The following MCMBP variants were observed in gnomAD, a reference collection of about 807,000 sequenced individuals.
MCMBP encodes the protein minichromosome maintenance complex binding protein.
In MCMBP, 31 loss-of-function variants were observed where a neutral mutation model predicts 81.3. The observed-to-expected ratio is 0.38, with a 90% CI of 0.29 to 0.51. The LOEUF (loss-of-function observed/expected upper bound fraction) is 0.51. Among genes scored for constraint, MCMBP ranks in the 20% least tolerant of loss-of-function variants. The pLI is 0.87. For synonymous variants in MCMBP, 267 were observed against 275.9 expected (o/e 0.97, Z 0.32); for missense variants, 645 against 772.1 (o/e 0.84, Z 1.95).
chr10:119,847,539 C>A, intron 8 of MCMBP, 74 bp downstream of exon 8: 1 of 828,940 alleles, frequency 1.2e-6, no homozygotes, highest in South Asian at 1.8e-5. Context: ...TCTTTAAAAC[C>A]ATCCTGTAAC....
In MCMBP at chr10:119,842,806, C is replaced by T. The variant is rs1852481188; in HGVS notation, c.1001-211G>A. On this transcript the variant is annotated intron_variant, in intron 9 of 15. Transcript: ENST00000369077. ...TGAGACCAAGTTTTGCTCTTTTTGCCTAGCCTGGAGTGCAATGGTGCCATC... is the reference window on the plus strand; with the variant it reads ...TGAGACCAAGTTTTGCTCTTTTTGCTTAGCCTGGAGTGCAATGGTGCCATC... 2.1e-5 allele frequency: 10 copies of T among 467,244 alleles called. No homozygotes were observed. The South Asian group carries it at 2.3e-4, about 11-fold the overall frequency. The allele number at this position is 467,244 out of a possible 1,614,324, so 28.9% of individuals were successfully genotyped here.
chr10:119,842,335 C>T, intron 10 of MCMBP, 137 bp downstream of exon 10: 1 of 898,262 alleles, frequency 1.1e-6, no homozygotes, highest in Non-Finnish European at 1.6e-6. Flanking sequence ...TTTGGTATAA[C>T]AGTTAACACT....
rs1179353785 is a variant in MCMBP, at chr10:119,829,492, CAG to C, written c.*1980_*1981del. On this transcript the variant is annotated 3_prime_UTR_variant, in exon 16 of 16. Transcript: ENST00000369077. The stretch of plus-strand genomic sequence containing the variant: ...CATTTTAAGAAGGCAAAGTTCCAAA[CAG>C]GGTTACACAGGAGTCTACTCAGTTT... The C allele has an allele frequency of 1.3e-5, 2 of 152,184 alleles. No homozygotes were observed. The highest frequency in any genetic ancestry group is 1.9e-4 in the East Asian group (1 of 5,202). The allele number at this position is 152,184 out of a possible 1,614,324, so 9.4% of individuals were successfully genotyped here.
In MCMBP at chr10:119,849,557, T is replaced by C. The variant is rs769097057; in HGVS notation, c.594A>G (p.Gln198=). ...ARQAGSVGGL[Q]WCGEPKRLET... ...CTAAACGTTTTGGCTCTCCACACCATTGAAGACCACCAACACTCCCTAAAT... is the reference window on the plus strand; with the variant it reads ...CTAAACGTTTTGGCTCTCCACACCACTGAAGACCACCAACACTCCCTAAAT... Residue 198 remains glutamine, a synonymous_variant, in exon 7 of 16, where the codon CAA becomes CAG. Coordinates refer to ENST00000369077, the MANE Select transcript of MCMBP (RefSeq NM_001256378.2). 8.2e-6 allele frequency: 13 copies of C among 1,594,636 alleles called. No homozygotes were observed. Among genetic ancestry groups the C allele is most frequent in the South Asian group, 6.9e-5 (6 of 87,580 alleles).
rs1324091501 is a variant in MCMBP at position 119,842,673 on chromosome 10, G to A, written c.1001-78C>T. 7.4e-6 allele frequency: 11 copies of A among 1,488,944 alleles called. No homozygotes were observed. In the Admixed American group the frequency reaches 1.7e-4, roughly 23 times the overall value. The allele number at this position is 1,488,944 out of a possible 1,614,324, so 92.2% of individuals were successfully genotyped here. A position where few individuals can be genotyped will look rare whatever the true frequency, so the allele number is the denominator to read the frequency against. On this transcript the variant is annotated intron_variant, in intron 9 of 15. Transcript: ENST00000369077. ...GTGTCTTAGGTAAAAAAATAACTACGTGAGCAAAGCACAATTCAGTCGACA... is the reference window on the plus strand; with the variant it reads ...GTGTCTTAGGTAAAAAAATAACTACATGAGCAAAGCACAATTCAGTCGACA...
chr10:119,864,280 C>T (rs1476877412), intron 1 of MCMBP, among the ~76,000 whole-genome samples: 1 of 152,244 alleles, frequency 6.6e-6, no homozygotes, highest in Non-Finnish European at 1.5e-5. Context: ...ACTTCTGTCT[C>T]CAGGACTGTA....
Position 119,830,366 on chromosome 10 carries a change from C to CTAA in MCMBP, c.*1105_*1107dup, listed in dbSNP as rs1197677059. On this transcript the variant is annotated 3_prime_UTR_variant, in exon 16 of 16. Coordinates refer to ENST00000369077, the MANE Select transcript of MCMBP (RefSeq NM_001256378.2). ...CTGTTGTTAGTTTGCTCTATTAAAA[C>CTAA]TAATTGGTCTGGAGAAAACCTACCT... 1 of 152,280 alleles carries CTAA rather than the reference C, an allele frequency of 6.6e-6. No homozygotes were observed. The highest frequency in any genetic ancestry group is 1.5e-5 in the Non-Finnish European group (1 of 68,048). The allele number at this position is 152,280 out of a possible 1,614,324, so 9.4% of individuals were successfully genotyped here.
chr10:119,861,872 C>G (rs1853266656), intron 1 of MCMBP, among the ~76,000 whole-genome samples: 1 of 152,082 alleles, frequency 6.6e-6, no homozygotes, highest in South Asian at 2.1e-4. Context: ...TCCTGCGTAG[C>G]TGGGACCACA....
chr10:119,866,305 T>A (rs944843416), intron 1 of MCMBP, among the ~76,000 whole-genome samples: 7 of 151,942 alleles, frequency 4.6e-5, no homozygotes, highest in African/African-American at 1.7e-4. Flanking sequence ...CTACTAAAGG[T>A]ATGGGGTTTC....
At chr10:119,849,733 A>T (rs1174970292) in intron 6 of MCMBP, among the ~76,000 whole-genome samples, 157 bp from the exon 7 acceptor site, 1 of 152,222 alleles carries the variant, frequency 6.6e-6, no homozygotes, top group African/African-American at 2.4e-5. Flanking sequence ...CATACTAACA[A>T]AGTCTTTTGT....
chr10:119,836,468 GAGCATTTC>G (rs1852245148), intron 13 of MCMBP, among the ~76,000 whole-genome samples: 1 of 152,196 alleles, frequency 6.6e-6, no homozygotes, highest in East Asian at 1.9e-4. Context: ...AGACATACCA[GAGCATTTC>G]ACCACAAAGC....
At chr10:119,872,241 C>CA (rs1386318006) in intron 1 of MCMBP, among the ~76,000 whole-genome samples, 1 of 151,730 alleles carries the variant, frequency 6.6e-6, no homozygotes, top group African/African-American at 2.4e-5. Context: ...GCGAGGCCGT[C>CA]AATCACAGCC....
intron 1 of MCMBP, among the ~76,000 whole-genome samples, chr10:119,869,944 T>C (rs960398982): frequency 2.0e-5 from 3 of 152,194 alleles, no homozygotes; most frequent in Non-Finnish European, 4.4e-5. Context: ...ATAGCCCCTA[T>C]CCACATGTAG....
At chr10:119,870,255 T>C (rs1473311185) in intron 1 of MCMBP, among the ~76,000 whole-genome samples, 1 of 152,208 alleles carries the variant, frequency 6.6e-6, no homozygotes, top group Non-Finnish European at 1.5e-5. Flanking sequence ...TAGACCATCC[T>C]GGCCAACACT....
At chr10:119,872,891 G>C (rs565654400), upstream of MCMBP, 3 of 153,136 alleles carry the variant, frequency 2.0e-5, no homozygotes, top group East Asian at 5.8e-4. Context: ...CCTGGGTGGA[G>C]CTCGCGTGGG....
intron 10 of MCMBP, 142 bp downstream of exon 10, chr10:119,842,330 T>G: frequency 1.2e-6 from 1 of 817,346 alleles, no homozygotes. Flanking sequence ...TGTGATTTGG[T>G]ATAACAGTTA....
chr10:119,842,200 A>G (rs1852457437), intron 10 of MCMBP, among the ~76,000 whole-genome samples: 1 of 152,212 alleles, frequency 6.6e-6, no homozygotes, highest in African/African-American at 2.4e-5. Flanking sequence ...ATGGTCTTCC[A>G]TGAAATGGGT....
chr10:119,831,771 TGAA>T (rs1353811194), intron 15 of MCMBP, among the ~76,000 whole-genome samples, 171 bp from the exon 16 acceptor site: 3 of 152,234 alleles, frequency 2.0e-5, no homozygotes, highest in African/African-American at 7.2e-5. Flanking sequence ...AAGAAATCGT[TGAA>T]GAGTCAGAAT....
At chr10:119,846,041 G>A (rs899200466) in intron 8 of MCMBP, among the ~76,000 whole-genome samples, 8 of 152,144 alleles carry the variant, frequency 5.3e-5, no homozygotes, top group African/African-American at 1.9e-4. Context: ...TCCATATGCT[G>A]CATGTATCCT....
Sources: allele counts gnomAD v4.1 joint callset (sites outside exome capture counted in the v4.1 genomes callset), GRCh38; gene constraint gnomAD v4.1.1; transcripts MANE v1.5; gene names NCBI Gene and HGNC (gene_info 2026-07-23, HGNC 2026-07-21).